Variants in ACTR2 observed in about 807,000 individuals in gnomAD.
ACTR2 encodes actin related protein 2.
ACTR2 carries 5 observed loss-of-function variants against 50.2 expected under a neutral mutation model. The ratio of observed to expected loss-of-function variants is 0.10; its 90% confidence interval spans 0.05 to 0.21. The LOEUF is 0.21. Ranked by LOEUF, ACTR2 falls within the 10% of genes least tolerant of loss-of-function variation. The probability of loss-of-function intolerance (pLI) is 1.00; values close to 1 mark genes in which losing one functional copy is unlikely to be tolerated. For synonymous variants in ACTR2, 140 were observed against 162.9 expected, an observed-to-expected ratio of 0.86 and a Z score of 1.07; for missense variants, 180 against 480.6, an observed-to-expected ratio of 0.37 and a Z score of 5.85.
intron 1 of ACTR2, among the ~76,000 whole-genome samples, chr2:65,236,531 A>G (rs7570647): frequency 0.31 from 46,828 of 151,872 alleles, 7,855 homozygotes; most frequent in African/African-American, 0.41. Flanking sequence ...TTTCTTGTAG[A>G]TAGTAGCTTT....
At chr2:65,255,245 C>T (rs1006114962) in intron 5 of ACTR2, among the ~76,000 whole-genome samples, 7 of 152,134 alleles carry the variant, frequency 4.6e-5, no homozygotes, top group African/African-American at 1.4e-4. Flanking sequence ...CATTAATATA[C>T]TTTTGATTGT....
chr2:65,230,252 GT>G (rs578206757), intron 1 of ACTR2, among the ~76,000 whole-genome samples: 32 of 152,082 alleles, frequency 2.1e-4, no homozygotes, highest in Non-Finnish European at 2.2e-4. Context: ...AAAATTTTTT[GT>G]TTTGTGATTG....
At chr2:65,231,032 C>T (rs535709756) in intron 1 of ACTR2, among the ~76,000 whole-genome samples, 4 of 147,576 alleles carry the variant, frequency 2.7e-5, no homozygotes, top group South Asian at 2.1e-4. Flanking sequence ...CCAGCCTGGG[C>T]GACAGAGTGA....
At position 65,246,611 on chromosome 2, in the gene ACTR2, G is replaced by A; in HGVS notation, c.247G>A (p.Asp83Asn). Residue 83 changes from aspartate (D) to asparagine (N), a missense_variant, in exon 3 of 9, where the codon GAT (aspartate) becomes AAT (asparagine). Physicochemically the swap from Asp to Asn is conservative, Grantham distance 23. Coordinates refer to ENST00000260641, the MANE Select transcript of ACTR2 (RefSeq NM_005722.4). ...PMENGIVRNW[D>N]DMKHLWDYTF... ...GGAAAATGGCATAGTACGAAATTGGGATGACATGAAACACCTGTGGGACTA... is the reference window on the plus strand; with the variant it reads ...GGAAAATGGCATAGTACGAAATTGGAATGACATGAAACACCTGTGGGACTA... 16 of 1,613,394 alleles carry A rather than the reference G, an allele frequency of 9.9e-6. No homozygotes were observed. Among genetic ancestry groups the A allele is most frequent in the Non-Finnish European group, 1.4e-5 (16 of 1,179,598 alleles).
At chr2:65,256,874 TAAAAAAAAAA>T (rs57631144) in intron 6 of ACTR2, among the ~76,000 whole-genome samples, 1 of 134,274 alleles carries the variant, frequency 7.4e-6, no homozygotes, top group African/African-American at 2.8e-5. Flanking sequence ...TCCATGTCGG[TAAAAAAAAAA>T]AAAAAAAAAA....
At chr2:65,233,968 T>A (rs980936747) in intron 1 of ACTR2, among the ~76,000 whole-genome samples, 2 of 151,798 alleles carry the variant, frequency 1.3e-5, no homozygotes, top group African/African-American at 4.8e-5. Context: ...AGTGGTACAA[T>A]CATGGCTCAA....
rs770840089 is a variant in ACTR2 at position 65,246,649 on chromosome 2, A to G, written c.285A>G (p.Pro95=). 1.2e-6 allele frequency: 2 copies of G among 1,613,612 alleles called. No homozygotes were observed. The highest frequency in any genetic ancestry group is 2.7e-5 in the African/African-American group (2 of 74,914). ...MKHLWDYTFG[P]EKLNIDTRNC... Reference sequence around the variant, plus strand: ...ACCTGTGGGACTACACATTTGGACCAGAGAAACTTAATATAGATACCAGAA... The same window carrying G: ...ACCTGTGGGACTACACATTTGGACCGGAGAAACTTAATATAGATACCAGAA... The change falls in exon 3 of 9, where the codon CCA becomes CCG. Residue 95 remains proline (P), a synonymous_variant. Coordinates refer to ENST00000260641, the MANE Select transcript of ACTR2 (RefSeq NM_005722.4).
At chr2:65,237,698 A>G (rs557567335) in intron 1 of ACTR2, among the ~76,000 whole-genome samples, 3 of 152,240 alleles carry the variant, frequency 2.0e-5, no homozygotes, top group Admixed American at 2.0e-4. Context: ...AAAAAATTTT[A>G]AAACTTACGC....
intron 2 of ACTR2, among the ~76,000 whole-genome samples, chr2:65,241,775 T>C (rs1264200021): frequency 6.6e-6 from 1 of 152,206 alleles, no homozygotes; most frequent in Non-Finnish European, 1.5e-5. Context: ...GTATTTTGAC[T>C]TATACTTTTT....
intron 3 of ACTR2, 100 bp downstream of exon 3, chr2:65,246,839 TTGTTTTCCTTCAGATCTTATTAAG>T: frequency 1.1e-6 from 1 of 872,896 alleles, no homozygotes; most frequent in South Asian, 1.8e-5. Flanking sequence ...ATAAAAATAA[TTGTTTTCCTTCAGATCTTATTAAG>T]TATCTACTAT....
chr2:65,256,287 A>G (rs1672147833), intron 6 of ACTR2, among the ~76,000 whole-genome samples: 1 of 152,162 alleles, frequency 6.6e-6, no homozygotes, highest in South Asian at 2.1e-4. Flanking sequence ...AATATTCTTT[A>G]ATGAGGTGTT....
chr2:65,261,214 G>C lies in ACTR2; in HGVS notation c.736-33G>C, dbSNP rs1262103430. On this transcript the variant is annotated intron_variant, in intron 6 of 8. Transcript: ENST00000260641. ...GAACACTGGGAAATTTTAATCTTTT[G>C]CTGATTAGTACCTGATTATTCTTGG... 3 of 1,611,470 alleles carry C rather than the reference G, an allele frequency of 1.9e-6. No individual in the cohort carries two copies. In the African/African-American group the frequency reaches 4.0e-5, roughly 22 times the overall value.
chr2:65,228,022 G>T (rs574975503), intron 1 of ACTR2, 65 bp downstream of exon 1: 1 of 1,438,676 alleles, frequency 7.0e-7, no homozygotes, highest in East Asian at 3.0e-5. Flanking sequence ...GCTGGCGCAC[G>T]GGCCCTCGGC....
At chr2:65,257,582 C>T (rs1341278281) in intron 6 of ACTR2, among the ~76,000 whole-genome samples, 1 of 152,176 alleles carries the variant, frequency 6.6e-6, no homozygotes, top group African/African-American at 2.4e-5. Flanking sequence ...TAAAAGCGTT[C>T]CTATTTCTCC....
intron 6 of ACTR2, among the ~76,000 whole-genome samples, chr2:65,259,735 A>C (rs757025981): frequency 1.3e-5 from 2 of 152,124 alleles, no homozygotes; most frequent in Non-Finnish European, 2.9e-5. Flanking sequence ...TCTCAAAAAA[A>C]AATTAAATTA....
intron 4 of ACTR2, among the ~76,000 whole-genome samples, chr2:65,252,205 A>G (rs1438545809): frequency 6.6e-6 from 1 of 151,996 alleles, no homozygotes; most frequent in Non-Finnish European, 1.5e-5. Context: ...GTATTTTTGA[A>G]TTGATGATGG....
intron 2 of ACTR2, among the ~76,000 whole-genome samples, chr2:65,241,656 C>A (rs1671842578): frequency 2.0e-5 from 3 of 152,298 alleles, no homozygotes; most frequent in South Asian, 4.1e-4. Flanking sequence ...CTATCTAACA[C>A]TCTGCCTACT....
intron 1 of ACTR2, among the ~76,000 whole-genome samples, chr2:65,235,960 G>A (rs1301505760): frequency 6.6e-6 from 1 of 152,160 alleles, no homozygotes; most frequent in Non-Finnish European, 1.5e-5. Flanking sequence ...AATTGAGGTG[G>A]CATTGGGAGT....
intron 3 of ACTR2, 138 bp downstream of exon 3, chr2:65,246,877 C>T: frequency 1.5e-6 from 1 of 655,674 alleles, no homozygotes; most frequent in South Asian, 2.2e-5. Context: ...CTACTATATG[C>T]TAGTCATTAT....
Sources: gnomAD v4.1 joint callset for allele counts (sites outside exome capture counted in the v4.1 genomes callset) on GRCh38, gnomAD v4.1.1 for gene constraint, MANE v1.5 for transcripts, NCBI Gene and HGNC (gene_info 2026-07-23, HGNC 2026-07-21) for gene names.